The following CCBE1 variants were observed in gnomAD, a reference collection of about 807,000 sequenced individuals.
CCBE1 encodes the protein collagen and calcium binding EGF domains 1, also known as collagen and calcium-binding EGF domain-containing protein 1.
Under a neutral mutation model 50.0 loss-of-function variants are expected in CCBE1, and 37 were observed. The ratio of observed to expected loss-of-function variants is 0.74; its 90% CI spans 0.57 to 0.97. The LOEUF (loss-of-function observed/expected upper bound fraction) is 0.97, where lower values mean the gene tolerates loss of function less well. Among genes scored for constraint, CCBE1 ranks in the 50% least tolerant of loss-of-function variants. The pLI, the probability that CCBE1 is intolerant of heterozygous loss-of-function variation, is 0.00. For synonymous variants in CCBE1, 234 were observed against 203.7 expected, an observed-to-expected ratio of 1.15 and a Z score of -1.27; for missense variants, 538 against 523.8, an observed-to-expected ratio of 1.03 and a Z score of -0.26.
chr18:59,565,517 C>A (rs74902960), intron 2 of CCBE1, among the ~76,000 whole-genome samples: 2,775 of 152,334 alleles, frequency 0.018, 36 homozygotes, highest in Non-Finnish European at 0.031. Context: ...CAGCCCCACA[C>A]CTGGCCCCAC....
At chr18:59,494,918 C>T (rs1442987867) in intron 2 of CCBE1, among the ~76,000 whole-genome samples, 1 of 152,142 alleles carries the variant, frequency 6.6e-6, no homozygotes, top group East Asian at 1.9e-4. Flanking sequence ...CTTTGGGAGG[C>T]CAAGGCAGGC....
intron 6 of CCBE1, among the ~76,000 whole-genome samples, chr18:59,449,372 A>T (rs1440034054): frequency 8.3e-6 from 1 of 119,926 alleles, no homozygotes; most frequent in Non-Finnish European, 1.8e-5. Flanking sequence ...CTCTAATCCC[A>T]GCAATTTGGG....
chr18:59,604,090 G>A (rs1475885413), intron 2 of CCBE1, among the ~76,000 whole-genome samples: 1 of 152,162 alleles, frequency 6.6e-6, no homozygotes, highest in African/African-American at 2.4e-5. Context: ...TCTTATGCAG[G>A]CAAATAAGGA....
At chr18:59,560,035 A>G (rs949553259) in intron 2 of CCBE1, among the ~76,000 whole-genome samples, 10 of 152,062 alleles carry the variant, frequency 6.6e-5, no homozygotes, top group African/African-American at 1.9e-4. Context: ...GGTCTTACTG[A>G]TATTATGCTA....
chr18:59,462,733 A>G (rs1911551161), intron 5 of CCBE1, among the ~76,000 whole-genome samples: 1 of 151,664 alleles, frequency 6.6e-6, no homozygotes. Context: ...AGTGCATTCT[A>G]ATTGTGACCC....
At chr18:59,601,735 A>C (rs9956711) in intron 2 of CCBE1, among the ~76,000 whole-genome samples, 3,295 of 152,268 alleles carry the variant, frequency 0.022, 87 homozygotes, top group African/African-American at 0.068. Context: ...ATCTAACATC[A>C]AAACTTGTGT....
intron 2 of CCBE1, among the ~76,000 whole-genome samples, chr18:59,604,370 G>C (rs576785965): frequency 6.6e-6 from 1 of 152,152 alleles, no homozygotes; most frequent in Non-Finnish European, 1.5e-5. Flanking sequence ...TAACCATTAG[G>C]CTGCATCATC....
At chr18:59,533,570 T>C (rs192475232) in intron 2 of CCBE1, among the ~76,000 whole-genome samples, 1 of 152,286 alleles carries the variant, frequency 6.6e-6, no homozygotes, top group African/African-American at 2.4e-5. Flanking sequence ...TTTAACTTTA[T>C]TCATATATAA....
Position 59,587,593 on chromosome 18 carries a change from T to C in CCBE1, c.213-107355A>G, listed in dbSNP as rs150396691. The stretch of plus-strand genomic sequence containing the variant: ...TTCTTGCTCATACACAGTCTGCTTA[T>C]GGTCTATAGGCTTTTTGGAGTAGCT... On this transcript the variant is annotated intron_variant, in intron 2 of 10. Coordinates refer to ENST00000439986, the MANE Select transcript of CCBE1 (RefSeq NM_133459.4). Among the ~76,000 whole-genome samples, 1,347 of 152,326 alleles carry C rather than the reference T, an allele frequency of 8.8e-3. 17 individuals carry two copies. Among genetic ancestry groups the C allele is most frequent in the African/African-American group, 0.03 (1,255 of 41,576 alleles).
chr18:59,467,434 C>T (rs939676854), intron 4 of CCBE1, among the ~76,000 whole-genome samples: 3 of 152,104 alleles, frequency 2.0e-5, no homozygotes, highest in African/African-American at 7.2e-5. Context: ...GGAAAAGATA[C>T]TTCTAATAAA....
intron 2 of CCBE1, among the ~76,000 whole-genome samples, chr18:59,542,087 T>A (rs1915489553): frequency 6.6e-6 from 1 of 150,740 alleles, no homozygotes; most frequent in Non-Finnish European, 1.5e-5. Flanking sequence ...GGTGGGAGGA[T>A]CACCTGAGCC....
intron 2 of CCBE1, among the ~76,000 whole-genome samples, chr18:59,560,398 A>G (rs1055833118): frequency 6.6e-6 from 1 of 152,216 alleles, no homozygotes; most frequent in African/African-American, 2.4e-5. Context: ...GAGTTGAACA[A>G]TAAGAACACA....
intron 2 of CCBE1, among the ~76,000 whole-genome samples, chr18:59,619,360 C>A (rs73454489): frequency 2.4e-3 from 364 of 152,190 alleles, no homozygotes; most frequent in African/African-American, 8.3e-3. Flanking sequence ...CAGGCTGGAG[C>A]ACAGTGACTG....
intron 2 of CCBE1, among the ~76,000 whole-genome samples, chr18:59,628,430 C>T (rs977929180): frequency 6.6e-6 from 1 of 151,742 alleles, no homozygotes; most frequent in Non-Finnish European, 1.5e-5. Context: ...CTCCAAGAGA[C>T]ATGAGGTGAT....
intron 2 of CCBE1, among the ~76,000 whole-genome samples, chr18:59,625,301 G>A (rs537270726): frequency 7.9e-5 from 12 of 152,058 alleles, no homozygotes. Context: ...TGTGGTGGTG[G>A]GCGCCTGTGG....
chr18:59,673,541 G>C (rs1324143401), intron 2 of CCBE1, among the ~76,000 whole-genome samples: 1 of 152,094 alleles, frequency 6.6e-6, no homozygotes, highest in Non-Finnish European at 1.5e-5. Flanking sequence ...GTAAGTGCTC[G>C]GCACATACTT....
At chr18:59,489,297 C>CT (rs1218974766) in intron 2 of CCBE1, among the ~76,000 whole-genome samples, 1 of 152,236 alleles carries the variant, frequency 6.6e-6, no homozygotes, top group Non-Finnish European at 1.5e-5. Flanking sequence ...TATCAGTGTG[C>CT]TTCAGACCCA....
At chr18:59,621,502 A>C (rs532224535) in intron 2 of CCBE1, among the ~76,000 whole-genome samples, 1 of 152,332 alleles carries the variant, frequency 6.6e-6, no homozygotes. Context: ...ACATGTGGAT[A>C]AATAACCCCC....
intron 2 of CCBE1, among the ~76,000 whole-genome samples, chr18:59,583,763 A>AT (rs1180358346): frequency 5.3e-5 from 8 of 151,864 alleles, no homozygotes; most frequent in African/African-American, 1.7e-4. Context: ...GAGAAGGGCA[A>AT]TTTTTTTGTC....
Sources: allele counts gnomAD v4.1 joint callset (sites outside exome capture counted in the v4.1 genomes callset), GRCh38; gene constraint gnomAD v4.1.1; transcripts MANE v1.5; gene names NCBI Gene and HGNC (gene_info 2026-07-23, HGNC 2026-07-21).